The following RAF1 variants were observed in gnomAD, a reference collection of about 807,000 sequenced individuals.
RAF1 encodes the protein RAF proto-oncogene serine/threonine-protein kinase.
Under a neutral mutation model 81.1 loss-of-function variants are expected in RAF1, and 27 were observed. The ratio of observed to expected loss-of-function variants is 0.33; its 90% CI spans 0.25 to 0.46. The LOEUF (loss-of-function observed/expected upper bound fraction) is 0.46, where lower values mean the gene tolerates loss of function less well. Among genes scored for constraint, RAF1 ranks in the 20% least tolerant of loss-of-function variants. The probability of loss-of-function intolerance (pLI) is 1.00; values close to 1 mark genes in which losing one functional copy is unlikely to be tolerated. For synonymous variants in RAF1, 298 were observed against 294.0 expected (o/e 1.01, Z -0.14); for missense variants, 598 against 826.0 (o/e 0.72, Z 3.38).
chr3:12,620,910 TTC>T (rs2059538529), intron 1 of RAF1, among the ~76,000 whole-genome samples: 2 of 5,150 alleles, frequency 3.9e-4, no homozygotes, highest in Admixed American at 6.8e-3. Context: ...CAGAGTTCAG[TTC>T]ATTCAGAGTT....
Position 12,584,539 on chromosome 3 carries a change from G to A in RAF1, c.1982C>T (p.Thr661Met), listed in dbSNP as rs587777587. The change falls in exon 18 of 18, where the codon ACG (threonine) becomes ATG (methionine). Residue 661 changes from threonine (T) to methionine (M), a missense_variant. This residue lies in a region of RAF1 where 147 missense variants were observed against 196.1 expected (regional missense o/e 0.75). Coordinates refer to ENST00000442415, the MANE Select transcript of RAF1 (RefSeq NM_001354689.3). ...CTAGAAGACAGGCAGCCTCGGGGAC[G>A]TGGTCAGCGTGCAAGCATTGATATC... 8.1e-6 allele frequency: 13 copies of A among 1,614,066 alleles called. No homozygotes were observed. The highest frequency in any genetic ancestry group is 5.5e-5 in the South Asian group (5 of 91,094).
At chr3:12,585,293 A>C (rs187514758) in intron 15 of RAF1, 40 bp from the exon 15 acceptor site, 1 of 1,612,416 alleles carries the variant, frequency 6.2e-7, no homozygotes, top group Non-Finnish European at 8.5e-7. Context: ...ATTTATCACC[A>C]TATGACAGGC....
chr3:12,653,924 T>C (rs2060607759), intron 1 of RAF1, among the ~76,000 whole-genome samples: 1 of 151,732 alleles, frequency 6.6e-6, no homozygotes, highest in Admixed American at 6.6e-5. Context: ...ACTTATACAG[T>C]AGATGCAGGT....
intron 1 of RAF1, among the ~76,000 whole-genome samples, chr3:12,653,410 G>A: frequency 6.6e-6 from 1 of 152,164 alleles, no homozygotes; most frequent in Non-Finnish European, 1.5e-5. Flanking sequence ...GTGTCCCTCT[G>A]AGCAGTTGGT....
In RAF1 at chr3:12,584,422, A is replaced by G; in HGVS notation, c.*92T>C. 2.0e-6 allele frequency: 3 copies of G among 1,529,704 alleles called. No individual in the cohort carries two copies. Among genetic ancestry groups the G allele is most frequent in the East Asian group, 2.3e-5 (1 of 44,328 alleles). 94.8% of individuals were successfully genotyped at this position (1,529,704 alleles called of 1,614,324 possible). A position where few individuals can be genotyped will look rare whatever the true frequency, so the allele number is the denominator to read the frequency against. On this transcript the variant is annotated 3_prime_UTR_variant, in exon 18 of 18. Coordinates refer to ENST00000442415, the MANE Select transcript of RAF1 (RefSeq NM_001354689.3). ...CCTTAGCAGCAGCTTCTCTGAAAAC[A>G]TGTGTTCTGCCTCTGGAGAAAGGGA...
intron 1 of RAF1, among the ~76,000 whole-genome samples, chr3:12,648,210 A>G (rs911993751): frequency 1.1e-4 from 16 of 151,976 alleles, no homozygotes; most frequent in African/African-American, 3.9e-4. Context: ...CCATTAACAC[A>G]AGTACCAAAA....
At chr3:12,587,476 C>T (rs1490508734) in intron 14 of RAF1, 115 bp downstream of exon 13, 4 of 1,042,566 alleles carry the variant, frequency 3.8e-6, no homozygotes, top group Non-Finnish European at 6.0e-6. Flanking sequence ...TCCTCTGCCT[C>T]TTTCCTTAAA....
intron 13 of RAF1, chr3:12,587,962 CTTTTTTT>C (rs33981119): frequency 9.6e-5 from 6 of 62,716 alleles, no homozygotes; most frequent in South Asian, 5.4e-4. Flanking sequence ...ACCATGCCGC[CTTTTTTT>C]TTTTTTTTTT....
intron 13 of RAF1, chr3:12,589,658 A>G (rs955779040): frequency 6.6e-6 from 1 of 152,196 alleles, no homozygotes; most frequent in Non-Finnish European, 1.5e-5. Context: ...CCAGCAACCT[A>G]TGAGACTGAG....
intron 2 of RAF1, among the ~76,000 whole-genome samples, chr3:12,615,584 T>A (rs1314955858): frequency 6.6e-6 from 1 of 152,174 alleles, no homozygotes; most frequent in Middle Eastern, 3.2e-3. Flanking sequence ...GCGTGCCTGG[T>A]GAAAGCAGCT....
chr3:12,636,396 C>T (rs764425821), intron 1 of RAF1, among the ~76,000 whole-genome samples: 12 of 148,326 alleles, frequency 8.1e-5, no homozygotes, highest in Non-Finnish European at 1.6e-4. Context: ...CGCTTAAGCC[C>T]AGTAGTTCAA....
In RAF1 at chr3:12,608,190, G is replaced by A. The variant is rs1271548036; in HGVS notation, c.581+576C>T. On this transcript the variant is annotated intron_variant, in intron 5 of 17. Coordinates refer to ENST00000442415, the MANE Select transcript of RAF1 (RefSeq NM_001354689.3). ...GTTACAGTTTTTAAAAGGCAGTTTG[G>A]ACCATGTACTTTTAATGTAAACTTT... 2.6e-5 allele frequency among the ~76,000 whole-genome samples: 4 copies of A among 152,006 alleles called. No individual in the cohort carries two copies. The South Asian group carries it at 6.2e-4, about 24-fold the overall frequency.
At chr3:12,652,549 T>C (rs2060566248) in intron 1 of RAF1, among the ~76,000 whole-genome samples, 1 of 151,542 alleles carries the variant, frequency 6.6e-6, no homozygotes, top group African/African-American at 2.4e-5. Context: ...AACTTATGCA[T>C]ATACTTACAG....
chr3:12,599,434 G>C lies in RAF1; in HGVS notation c.1168+257C>G, dbSNP rs532871614. 3.9e-5 allele frequency among the ~76,000 whole-genome samples: 6 copies of C among 152,282 alleles called. No individual in the cohort carries two copies. In the East Asian group the frequency reaches 1.2e-3, roughly 29 times the overall value. On this transcript the variant is annotated intron_variant, in intron 11 of 17. Coordinates refer to ENST00000442415, the MANE Select transcript of RAF1 (RefSeq NM_001354689.3). ...CCCATGTGCAGACTGTATTTAATCA[G>C]TTTAAAGGAGAAGTACTCCTGACAT...
chr3:12,649,595 A>T (rs1298611287), intron 1 of RAF1, among the ~76,000 whole-genome samples: 42 of 73,090 alleles, frequency 5.7e-4, no homozygotes, highest in Middle Eastern at 5.6e-3. Flanking sequence ...ACTGTCACAC[A>T]CACACACACA....
Position 12,618,538 on chromosome 3 carries a change from A to G in RAF1, c.184T>C (p.Leu62=). The G allele has an allele frequency of 6.2e-7, 1 of 1,614,234 alleles. No individual in the cohort carries two copies. Among genetic ancestry groups the G allele is most frequent in the Non-Finnish European group, 8.5e-7 (1 of 1,180,040 alleles). The change falls in exon 2 of 18, where the codon TTG becomes CTG. Residue 62 remains leucine (L), a synonymous_variant. Transcript: ENST00000442415. ...ACCACTGTTCTTTGCTTGTTCGGCA[A>G]GAAAACACGGATAGTGTTGCTTGTC... is the stretch of plus-strand genomic sequence containing the variant.
Position 12,608,870 on chromosome 3 carries a change from C to A in RAF1, c.477G>T (p.Leu159=), listed in dbSNP as rs760626796. The change falls in exon 5 of 18, where the codon CTG becomes CTT. Residue 159 remains leucine, a synonymous_variant. Coordinates refer to ENST00000442415, the MANE Select transcript of RAF1 (RefSeq NM_001354689.3). ...AAGTCTGACATCGAAATCCATTGAG[C>A]AGGAATTTCTGACAGATGTCACAGA... 19 of 1,614,006 alleles carry A rather than the reference C, an allele frequency of 1.2e-5. No homozygotes were observed. Among genetic ancestry groups the A allele is most frequent in the Admixed American group, 1.7e-5 (1 of 59,980 alleles).
intron 17 of RAF1, 89 bp downstream of exon 16, chr3:12,584,758 T>C (rs1050988796): frequency 8.1e-5 from 131 of 1,612,956 alleles, no homozygotes; most frequent in Non-Finnish European, 1.1e-4. Context: ...CCCCTCCCTA[T>C]AAAACAAAAC....
intron 8 of RAF1, 112 bp from the exon 8 acceptor site, chr3:12,600,527 A>G: frequency 1.6e-6 from 2 of 1,213,278 alleles, no homozygotes; most frequent in Admixed American, 1.9e-5. Context: ...AAAAACCTCT[A>G]AAAACCATAG....
Sources: allele counts gnomAD v4.1 joint callset (sites outside exome capture counted in the v4.1 genomes callset), GRCh38; gene constraint gnomAD v4.1.1; regional missense constraint gnomAD v4.1.1; transcripts MANE v1.5; gene names NCBI Gene and HGNC (gene_info 2026-07-23, HGNC 2026-07-21).